Variants in MIDN observed in about 807,000 individuals in gnomAD.
MIDN encodes midbrain nucleolar protein.
In MIDN, 26 loss-of-function variants were observed where a neutral mutation model predicts 46.1. The observed-to-expected ratio is 0.56, with a 90% CI of 0.41 to 0.78. The LOEUF is 0.78. Ranked by LOEUF, MIDN falls within the 30% of genes least tolerant of loss-of-function variation. MIDN has a pLI of 0.00. For synonymous variants in MIDN, 432 were observed against 343.3 expected, an observed-to-expected ratio of 1.26 and a Z score of -2.86; for missense variants, 850 against 771.8, an observed-to-expected ratio of 1.10 and a Z score of -1.20.
chr19:1,250,340 C>A lies in MIDN; in HGVS notation c.44C>A (p.Ala15Asp), dbSNP rs757450452. Residue 15 changes from alanine to aspartate, a missense_variant, in exon 2 of 9, where the codon GCC becomes GAC. Ala to Asp is a moderately radical substitution (Grantham distance 126). Transcript: ENST00000682408. ...GGCGCCCGGAGCTGCCGGCGCGGGG[C>A]CCCCGGCGGCGCCTGCGAGCTGGGC... is the stretch of plus-strand genomic sequence containing the variant. ...PGGARSCRRGAPGGACELGPA... is the reference protein window; with the variant it reads ...PGGARSCRRGDPGGACELGPA... The A allele has an allele frequency of 4.8e-6, 5 of 1,033,668 alleles. No individual in the cohort carries two copies. Among genetic ancestry groups the A allele is most frequent in the Non-Finnish European group, 3.5e-6 (3 of 862,538 alleles). The allele number at this position is 1,033,668 out of a possible 1,614,324, so 64.0% of individuals were successfully genotyped here. A position where few individuals can be genotyped will look rare whatever the true frequency, so the allele number is the denominator to read the frequency against.
intron 8 of MIDN, 112 bp downstream of exon 8, chr19:1,255,806 G>A (rs2081192892): frequency 4.7e-6 from 5 of 1,053,288 alleles, no homozygotes; most frequent in Non-Finnish European, 6.6e-6. Context: ...GGGCTGGGGG[G>A]GATGGCAGCT....
At chr19:1,251,523 G>A (rs1418950797) in intron 2 of MIDN, 39 bp from the exon 3 acceptor site, 6 of 1,588,982 alleles carry the variant, frequency 3.8e-6, no homozygotes, top group East Asian at 4.5e-5. Context: ...TCCCTGTGTC[G>A]TCTCCGCGGA....
At chr19:1,255,291 TG>T in intron 7 of MIDN, 130 bp from the exon 8 acceptor site, 1 of 1,267,716 alleles carries the variant, frequency 7.9e-7, no homozygotes, top group Non-Finnish European at 1.1e-6. Context: ...TCCCGCCCCG[TG>T]GTCCCTCGTG....
intron 8 of MIDN, among the ~76,000 whole-genome samples, chr19:1,256,340 A>G (rs903825344): frequency 9.9e-5 from 15 of 152,234 alleles, no homozygotes; most frequent in South Asian, 2.1e-4. Flanking sequence ...AAAATTAGCC[A>G]GGCGTGGTGG....
At position 1,258,558 on chromosome 19, in the gene MIDN, C is replaced by T. The variant is rs568860870; in HGVS notation, c.*1286C>T. The T allele has an allele frequency of 6.6e-6, 1 of 152,470 alleles. No homozygotes were observed. The highest frequency in any genetic ancestry group is 1.5e-5 in the Non-Finnish European group (1 of 68,024). The allele number at this position is 152,470 out of a possible 1,614,324, so 9.4% of individuals were successfully genotyped here. On this transcript the variant is annotated 3_prime_UTR_variant, in exon 9 of 9. Transcript: ENST00000682408. ...GATAATGGAGATGTCTGGACCCTTCCTCACCCCACCTGTCGGTCTTGTCCT... is the reference window on the plus strand; with the variant it reads ...GATAATGGAGATGTCTGGACCCTTCTTCACCCCACCTGTCGGTCTTGTCCT...
At position 1,250,110 on chromosome 19, in the gene MIDN, C is replaced by CCTCGGAGA. The variant is rs2081105466; in HGVS notation, c.-187_-186insCTCGGAGA. On this transcript the variant is annotated 5_prime_UTR_variant, in exon 2 of 9. Coordinates refer to ENST00000682408, the MANE Select transcript of MIDN (RefSeq NM_001388306.1). ...CCCAGGAGCCGGAGCGACCTCGGAG[C>CCTCGGAGA]GCCACTCGGATTTTGGATTTCGGTC... The CCTCGGAGA allele has an allele frequency of 4.5e-5, 7 of 154,570 alleles. No individual in the cohort carries two copies. The Admixed American group carries it at 4.6e-4, about 10-fold the overall frequency. The allele number at this position is 154,570 out of a possible 1,614,324, so 9.6% of individuals were successfully genotyped here. A position where few individuals can be genotyped will look rare whatever the true frequency, so the allele number is the denominator to read the frequency against.
At chr19:1,251,720 G>A in intron 3 of MIDN, 71 bp downstream of exon 3, 2 of 1,525,902 alleles carry the variant, frequency 1.3e-6, no homozygotes, top group Non-Finnish European at 1.8e-6. Context: ...CTCGGTACCT[G>A]TCCGCACACA....
chr19:1,251,091 C>A (rs2081121397), intron 2 of MIDN, among the ~76,000 whole-genome samples: 1 of 151,882 alleles, frequency 6.6e-6, no homozygotes, highest in African/African-American at 2.4e-5. Flanking sequence ...CCTTTGTCTG[C>A]GCGGCGGCGG....
chr19:1,257,121 C>T lies in MIDN; in HGVS notation c.1385C>T (p.Ser462Leu). Residue 462 changes from serine to leucine, a missense_variant, in exon 9 of 9, where the codon TCA becomes TTA. Coordinates refer to ENST00000682408, the MANE Select transcript of MIDN (RefSeq NM_001388306.1). ...GACGCGCGGGGTCCGTACCACTGGT[C>T]ACCCAGCCGCAAGGCCGGCCGCAGC... is the stretch of plus-strand genomic sequence containing the variant. The part of the protein sequence containing the change: ...RRDARGPYHW[S>L]PSRKAGRSDS... 6.2e-7 allele frequency: 1 copy of T among 1,611,602 alleles called. No homozygotes were observed. Among genetic ancestry groups the T allele is most frequent in the Non-Finnish European group, 8.5e-7 (1 of 1,179,326 alleles).
rs2081212515 is a variant in MIDN, at chr19:1,257,343, G to A, written c.*71G>A. The A allele has an allele frequency of 7.2e-7, 1 of 1,383,582 alleles. No homozygotes were observed. The highest frequency in any genetic ancestry group is 1.0e-6 in the Non-Finnish European group (1 of 986,878). The allele number at this position is 1,383,582 out of a possible 1,614,324, so 85.7% of individuals were successfully genotyped here. On this transcript the variant is annotated 3_prime_UTR_variant, in exon 9 of 9. Coordinates refer to ENST00000682408, the MANE Select transcript of MIDN (RefSeq NM_001388306.1). ...CGGCGGGGACTCCGAGAGCCCCGGA[G>A]AGAACGTGGCCCAGCCCTGGAGGGC...
At position 1,255,618 on chromosome 19, in the gene MIDN, C is replaced by T. The variant is rs766700852; in HGVS notation, c.1182C>T (p.Ser394=). ...PAPDLAPRTT[S]CEKLTAAPSA... ...CCGACCTGGCCCCCAGAACTACCTCCTGCGAGAAGCTCACGGCTGCCCCCT... is the reference window on the plus strand; with the variant it reads ...CCGACCTGGCCCCCAGAACTACCTCTTGCGAGAAGCTCACGGCTGCCCCCT... Residue 394 remains serine (S), a synonymous_variant, in exon 8 of 9, where the codon TCC becomes TCT. Coordinates refer to ENST00000682408, the MANE Select transcript of MIDN (RefSeq NM_001388306.1). 37 of 1,608,190 alleles carry T rather than the reference C, an allele frequency of 2.3e-5. No individual in the cohort carries two copies. The highest frequency in any genetic ancestry group is 9.9e-5 in the South Asian group (9 of 90,968).
At chr19:1,255,287 C>G (rs938708206) in intron 7 of MIDN, 135 bp from the exon 8 acceptor site, 18 of 1,260,172 alleles carry the variant, frequency 1.4e-5, no homozygotes, top group Non-Finnish European at 1.1e-6. Context: ...CCGCTCCCGC[C>G]CCGTGGTCCC....
At chr19:1,251,744 C>T in intron 3 of MIDN, 95 bp downstream of exon 3, 1 of 1,524,276 alleles carries the variant, frequency 6.6e-7, no homozygotes, top group Non-Finnish European at 9.0e-7. Context: ...TACCTGGGGC[C>T]CCCACCCCGC....
Position 1,254,757 on chromosome 19 carries a change from CTCGTGACCT to C in MIDN, c.826-143_826-135del, listed in dbSNP as rs1260616300. 4.9e-6 allele frequency: 5 copies of C among 1,010,854 alleles called. No individual in the cohort carries two copies. The African/African-American group carries it at 6.5e-5, about 13-fold the overall frequency. The allele number at this position is 1,010,854 out of a possible 1,614,324, so 62.6% of individuals were successfully genotyped here. ...CTCTGTGTCCTGGGTTGGTTGTGAC[CTCGTGACCT>C]TGGGCTAGTTTATCTCTAAACCCTG... On this transcript the variant is annotated intron_variant, in intron 6 of 8. Coordinates refer to ENST00000682408, the MANE Select transcript of MIDN (RefSeq NM_001388306.1).
rs1445312702 is a variant in MIDN at position 1,257,284 on chromosome 19, C to G, written c.*12C>G. 6.2e-7 allele frequency: 1 copy of G among 1,608,806 alleles called. No homozygotes were observed. The highest frequency in any genetic ancestry group is 8.5e-7 in the Non-Finnish European group (1 of 1,177,466). On this transcript the variant is annotated 3_prime_UTR_variant, in exon 9 of 9. Coordinates refer to ENST00000682408, the MANE Select transcript of MIDN (RefSeq NM_001388306.1). ...TCGTGGTGGCTTAGGATCTTCGGAT[C>G]GGCCACCCTCGCCCCTCGCACCCCA...
intron 5 of MIDN, 22 bp downstream of exon 5, chr19:1,254,104 G>C (rs1568788074): frequency 6.5e-7 from 1 of 1,539,874 alleles, no homozygotes; most frequent in Non-Finnish European, 8.7e-7. Flanking sequence ...GGGGGACTGG[G>C]CCGGGCTGGG....
At chr19:1,255,789 T>G in intron 8 of MIDN, 95 bp downstream of exon 8, 1 of 1,228,350 alleles carries the variant, frequency 8.1e-7, no homozygotes, top group Non-Finnish European at 1.1e-6. Context: ...GCAGCTGACC[T>G]GCCCAGGGGC....
At chr19:1,251,784 T>G in intron 3 of MIDN, 55 bp from the exon 4 acceptor site, 2 of 1,578,514 alleles carry the variant, frequency 1.3e-6, no homozygotes, top group Non-Finnish European at 1.7e-6. Flanking sequence ...CACCCCCTAT[T>G]CCAGCCCAGG....
In MIDN at chr19:1,254,319, G is replaced by A. The variant is rs375483822; in HGVS notation, c.666G>A (p.Arg222=). ...CTGCGGCCGCCGCCGCTGCTGCGCG[G>A]GGGGACCCCAGCATAGCCTCCCCCG... ...LAAAAAAAAA[R]GDPSIASPVS... Residue 222 remains arginine, a synonymous_variant, in exon 6 of 9, where the codon CGG becomes CGA. Coordinates refer to ENST00000682408, the MANE Select transcript of MIDN (RefSeq NM_001388306.1). The A allele has an allele frequency of 1.9e-6, 3 of 1,571,190 alleles. No homozygotes were observed. The highest frequency in any genetic ancestry group is 2.6e-6 in the Non-Finnish European group (3 of 1,165,742).
Sources: gnomAD v4.1 joint callset for allele counts (sites outside exome capture counted in the v4.1 genomes callset) on GRCh38, gnomAD v4.1.1 for gene constraint, MANE v1.5 for transcripts, NCBI Gene and HGNC (gene_info 2026-07-23, HGNC 2026-07-21) for gene names.